Variants in WWOX observed in about 807,000 individuals in gnomAD.
WWOX encodes the protein WW domain-containing oxidoreductase.
In WWOX, 69 loss-of-function variants were observed where a neutral mutation model predicts 46.2. That is an observed-to-expected ratio of 1.49 (90% CI 1.23 to 1.82). WWOX has a LOEUF of 1.82. Among genes scored for constraint, WWOX ranks in the 40% most tolerant of loss-of-function variants. WWOX has a pLI of 0.00. For synonymous variants in WWOX, 359 were observed against 202.6 expected (o/e 1.77, Z -6.56); for missense variants, 919 against 542.6 (o/e 1.69, Z -6.89).
chr16:79,192,319 T>TCATTCATTCACTCATCCACCCATC (rs1699073411), intron 8 of WWOX, among the ~76,000 whole-genome samples: 1 of 54,724 alleles, frequency 1.8e-5, no homozygotes, highest in Non-Finnish European at 8.4e-5. Flanking sequence ...ATTCATTCAT[T>TCATTCATTCACTCATCCACCCATC]CATTCATTCA....
chr16:78,305,623 T>C (rs2080121468), intron 5 of WWOX, among the ~76,000 whole-genome samples: 1 of 151,670 alleles, frequency 6.6e-6, no homozygotes, highest in Admixed American at 6.6e-5. Context: ...AGCTTGAACA[T>C]AGGAGCACTT....
chr16:78,380,397 C>T (rs939382841), intron 5 of WWOX, among the ~76,000 whole-genome samples: 1 of 152,182 alleles, frequency 6.6e-6, no homozygotes, highest in Non-Finnish European at 1.5e-5. Context: ...TGGATAATGA[C>T]TGCACCCTGC....
chr16:78,962,951 C>T (rs530065029), intron 8 of WWOX, among the ~76,000 whole-genome samples: 3 of 152,262 alleles, frequency 2.0e-5, no homozygotes, highest in South Asian at 4.1e-4. Flanking sequence ...GATTTGCCCA[C>T]GATATTTCAT....
chr16:79,209,021 T>G (rs1288760468), intron 8 of WWOX, among the ~76,000 whole-genome samples: 1 of 152,216 alleles, frequency 6.6e-6, no homozygotes, highest in Non-Finnish European at 1.5e-5. Context: ...TCGTCTTTGC[T>G]TTCGGGTGCC....
At chr16:78,187,325 T>C (rs753729867) in intron 5 of WWOX, among the ~76,000 whole-genome samples, 2 of 152,148 alleles carry the variant, frequency 1.3e-5, no homozygotes, top group Non-Finnish European at 2.9e-5. Context: ...AACTTAGTCT[T>C]TGAGGCCAAG....
At chr16:78,758,418 T>C (rs2049710744) in intron 8 of WWOX, among the ~76,000 whole-genome samples, 1 of 152,220 alleles carries the variant, frequency 6.6e-6, no homozygotes, top group African/African-American at 2.4e-5. Context: ...AATTATTTAA[T>C]GCAGGGTCCA....
chr16:78,642,016 A>C (rs1048505798), intron 8 of WWOX, among the ~76,000 whole-genome samples: 3 of 152,206 alleles, frequency 2.0e-5, no homozygotes, highest in African/African-American at 7.2e-5. Flanking sequence ...AAAAAGAAGA[A>C]AAACAGCAAC....
intron 8 of WWOX, chr16:79,206,804 A>T (rs2051527319): frequency 6.6e-6 from 1 of 152,106 alleles, no homozygotes; most frequent in African/African-American, 2.4e-5. Context: ...GTGGTCACCT[A>T]GCCAGGGAGG....
At chr16:78,406,922 G>A (rs983515555) in intron 6 of WWOX, among the ~76,000 whole-genome samples, 1 of 152,134 alleles carries the variant, frequency 6.6e-6, no homozygotes, top group South Asian at 2.1e-4. Flanking sequence ...CACTGTGCCC[G>A]GCCGGATAGA....
At chr16:78,967,458 G>GT (rs1171337117) in intron 8 of WWOX, among the ~76,000 whole-genome samples, 9,814 of 90,838 alleles carry the variant, frequency 0.11, 468 homozygotes, top group Middle Eastern at 0.23. Context: ...TAATTTTTGT[G>GT]GTTTTTTTTT....
intron 8 of WWOX, among the ~76,000 whole-genome samples, chr16:78,848,067 G>C (rs377265587): frequency 1.1e-4 from 16 of 152,238 alleles, no homozygotes; most frequent in East Asian, 5.8e-4. Context: ...TACTAGCCAA[G>C]CTACCACCTG....
chr16:78,603,367 C>A (rs1029052805), intron 8 of WWOX, among the ~76,000 whole-genome samples: 2 of 152,290 alleles, frequency 1.3e-5, no homozygotes, highest in African/African-American at 4.8e-5. Flanking sequence ...TGAACGCCCC[C>A]ACTGGGTGAT....
intron 8 of WWOX, among the ~76,000 whole-genome samples, chr16:78,892,621 G>A (rs1347699087): frequency 4.6e-5 from 7 of 152,202 alleles, no homozygotes; most frequent in Admixed American, 2.0e-4. Flanking sequence ...GAGATTCTGC[G>A]TGTGTGAAAC....
intron 8 of WWOX, among the ~76,000 whole-genome samples, chr16:78,949,028 G>A (rs923402861): frequency 3.3e-5 from 5 of 152,146 alleles, no homozygotes; most frequent in African/African-American, 1.2e-4. Flanking sequence ...GCCCTCAGAA[G>A]CTAAGAACTA....
In WWOX at chr16:78,507,997, CGTGTGTGT is replaced by C. The variant is rs959701013; in HGVS notation, c.1056+75269_1056+75276del. Among the ~76,000 whole-genome samples, 55 of 31,014 alleles carry C rather than the reference CGTGTGTGT, an allele frequency of 1.8e-3. No individual in the cohort carries two copies. In the South Asian group the frequency reaches 0.081, roughly 46 times the overall value. 20.3% of individuals were successfully genotyped at this position (31,014 alleles called of 152,430 possible). On this transcript the variant is annotated intron_variant, in intron 8 of 8. Transcript: ENST00000566780. ...GTGTTTTTTGATTTTTGGTTGCGTG[CGTGTGTGT>C]GTGTGTGTGTGTGTGTGTGTGTGAC...
chr16:78,198,187 C>G (rs1000753041), intron 5 of WWOX, among the ~76,000 whole-genome samples: 4 of 152,110 alleles, frequency 2.6e-5, no homozygotes, highest in Non-Finnish European at 4.4e-5. Context: ...CCAGGCTTGT[C>G]TGGTCATGCA....
intron 8 of WWOX, among the ~76,000 whole-genome samples, chr16:78,934,938 A>G (rs1254216747): frequency 6.6e-6 from 1 of 152,180 alleles, no homozygotes; most frequent in Non-Finnish European, 1.5e-5. Flanking sequence ...CATCTCTACA[A>G]AGAATACAAA....
intron 8 of WWOX, among the ~76,000 whole-genome samples, chr16:78,711,132 G>C (rs2048436397): frequency 6.6e-6 from 1 of 152,140 alleles, no homozygotes; most frequent in South Asian, 2.1e-4. Context: ...GCTAAATTAG[G>C]TGGGACCTTC....
intron 8 of WWOX, among the ~76,000 whole-genome samples, chr16:78,955,717 C>T (rs1310108463): frequency 1.3e-5 from 2 of 151,326 alleles, no homozygotes; most frequent in Non-Finnish European, 2.9e-5. Flanking sequence ...TGCAGTGGCC[C>T]AATCATGGCA....
Sources: gnomAD v4.1 joint callset for allele counts (sites outside exome capture counted in the v4.1 genomes callset) on GRCh38, gnomAD v4.1.1 for gene constraint, MANE v1.5 for transcripts, NCBI Gene and HGNC (gene_info 2026-07-23, HGNC 2026-07-21) for gene names.